PCDHGA5: variants seen among roughly 807,000 people sequenced by gnomAD.
PCDHGA5 encodes the protein protocadherin gamma subfamily A, 5.
Under a neutral mutation model 56.7 loss-of-function variants are expected in PCDHGA5, and 36 were observed. The observed-to-expected ratio is 0.64, with a 90% CI of 0.49 to 0.84. The LOEUF is 0.84. Among genes scored for constraint, PCDHGA5 ranks in the 40% least tolerant of loss-of-function variants. The pLI, the probability that PCDHGA5 is intolerant of heterozygous loss-of-function variation, is 0.00. For synonymous variants in PCDHGA5, 563 were observed against 520.2 expected (o/e 1.08, Z -1.12); for missense variants, 1,305 against 1,201.5 (o/e 1.09, Z -1.27).
chr5:141,464,515 A>C (rs969421973), intron 1 of PCDHGA5, among the ~76,000 whole-genome samples: 4 of 152,028 alleles, frequency 2.6e-5, no homozygotes, highest in Non-Finnish European at 4.4e-5. Flanking sequence ...CATAAGGTAA[A>C]GGCATATGTA....
intron 1 of PCDHGA5, chr5:141,413,903 C>T (rs1038159413): frequency 2.5e-6 from 4 of 1,613,308 alleles, no homozygotes; most frequent in Non-Finnish European, 3.4e-6. Flanking sequence ...AATGACAACG[C>T]GCCGGTCTTC....
intron 1 of PCDHGA5, among the ~76,000 whole-genome samples, chr5:141,450,503 T>G (rs1196541899): frequency 3.3e-5 from 5 of 152,258 alleles, no homozygotes; most frequent in Admixed American, 6.5e-5. Context: ...TTGTTTGTTT[T>G]GAGATGGAGT....
chr5:141,403,634 A>C, intron 1 of PCDHGA5: 1 of 1,613,920 alleles, frequency 6.2e-7, no homozygotes, highest in Non-Finnish European at 8.5e-7. Context: ...CACAGTGCGC[A>C]TCCATGTGAC....
At chr5:141,492,637 C>T (rs2099742781) in intron 1 of PCDHGA5, among the ~76,000 whole-genome samples, 1 of 152,260 alleles carries the variant, frequency 6.6e-6, no homozygotes, top group South Asian at 2.1e-4. Context: ...CTCTACGATC[C>T]TTGGGCCAGA....
At chr5:141,478,535 C>G (rs1359742091) in intron 1 of PCDHGA5, 1 of 1,607,794 alleles carries the variant, frequency 6.2e-7, no homozygotes, top group Non-Finnish European at 8.5e-7. Flanking sequence ...AGAGAGCGCC[C>G]CTCCCGGACA....
intron 1 of PCDHGA5, chr5:141,405,358 A>T: frequency 6.2e-7 from 1 of 1,613,900 alleles, no homozygotes; most frequent in East Asian, 2.2e-5. Flanking sequence ...TTCCTATAGA[A>T]GACACCCCTT....
At chr5:141,494,759 C>G (rs776923097) in intron 1 of PCDHGA5, 48 bp from the exon 2 acceptor site, 2 of 1,613,886 alleles carry the variant, frequency 1.2e-6, no homozygotes, top group Middle Eastern at 1.6e-4. Flanking sequence ...GGGTGACATT[C>G]TAACTTCTCA....
In PCDHGA5 at chr5:141,423,081, C is replaced by T. The variant is rs1393904828; in HGVS notation, c.2421+56330C>T. 3.1e-6 allele frequency: 5 copies of T among 1,613,966 alleles called. No individual in the cohort carries two copies. The African/African-American group carries it at 4.0e-5, about 13-fold the overall frequency. ...TTAAGGCCAGCGAGCCGGGACTCTT[C>T]GCGGTGGGGGAGCACACGGGCGAGG... is the stretch of plus-strand genomic sequence containing the variant. On this transcript the variant is annotated intron_variant, in intron 1 of 3. Coordinates refer to ENST00000518069, the MANE Select transcript of PCDHGA5 (RefSeq NM_018918.3).
At chr5:141,389,180 CA>C (rs2091638521) in intron 1 of PCDHGA5, 6 of 1,614,034 alleles carry the variant, frequency 3.7e-6, no homozygotes, top group Non-Finnish European at 5.1e-6. Context: ...CCCTCTCCTC[CA>C]GTTCCAGCAT....
At chr5:141,383,059 C>A (rs1778767353) in intron 1 of PCDHGA5, 1 of 1,613,894 alleles carries the variant, frequency 6.2e-7, no homozygotes, top group Non-Finnish European at 8.5e-7. Flanking sequence ...GGACCTGGGG[C>A]TGGAGCCCCG....
At chr5:141,450,080 C>G (rs140080701) in intron 1 of PCDHGA5, among the ~76,000 whole-genome samples, 6,313 of 144,358 alleles carry the variant, frequency 0.044, 398 homozygotes, top group Admixed American at 0.19. Context: ...GATCTTGGCT[C>G]ACTGCAACCT....
chr5:141,383,972 A>C, intron 1 of PCDHGA5: 1 of 1,613,800 alleles, frequency 6.2e-7, no homozygotes, highest in Non-Finnish European at 8.5e-7. Context: ...TCAATCCCTG[A>C]AGACACACCT....
At chr5:141,424,526 T>C (rs1020206614) in intron 1 of PCDHGA5, 2 of 152,216 alleles carry the variant, frequency 1.3e-5, no homozygotes, top group Non-Finnish European at 2.9e-5. Context: ...AGTAAATCCA[T>C]ATATAGAAAT....
At chr5:141,388,568 ACACG>A in intron 1 of PCDHGA5, 1 of 1,613,888 alleles carries the variant, frequency 6.2e-7, no homozygotes, top group Non-Finnish European at 8.5e-7. Context: ...CTGCACAGAT[ACACG>A]TTCTAGTGAC....
At chr5:141,395,067 AC>A (rs1479370833) in intron 1 of PCDHGA5, 1 of 1,613,888 alleles carries the variant, frequency 6.2e-7, no homozygotes, top group African/African-American at 1.3e-5. Flanking sequence ...TTTCCTGCAG[AC>A]CTATTCCCAG....
At chr5:141,381,826 C>CTTTTTTTTTT (rs770630741) in intron 1 of PCDHGA5, among the ~76,000 whole-genome samples, 29 of 74,274 alleles carry the variant, frequency 3.9e-4, no homozygotes, top group South Asian at 5.1e-4. Context: ...CTTTCTTCTT[C>CTTTTTTTTTT]TTTTTTTTTT....
At chr5:141,373,796 CCT>C (rs1278238672) in intron 1 of PCDHGA5, 9 of 310,398 alleles carry the variant, frequency 2.9e-5, no homozygotes, top group African/African-American at 1.3e-4. Flanking sequence ...GAAATAAAAT[CCT>C]CTGTGTGATA....
intron 1 of PCDHGA5, chr5:141,388,337 A>C: frequency 6.2e-7 from 1 of 1,613,990 alleles, no homozygotes; most frequent in Non-Finnish European, 8.5e-7. Context: ...CTGGCACACG[A>C]TTTATATTAG....
chr5:141,476,281 T>G lies in PCDHGA5; in HGVS notation c.2422-18526T>G. On this transcript the variant is annotated intron_variant, in intron 1 of 3. Coordinates refer to ENST00000518069, the MANE Select transcript of PCDHGA5 (RefSeq NM_018918.3). This position sits in a 1 kb window ranked among gnomAD's most constrained non-coding sequence, Gnocchi z 7.6. ...TGGGCAACGTGGTCGCGAACCTTGGTTTGGATCTCGGTAGCCTCTCAGCCC... is the reference window on the plus strand; with the variant it reads ...TGGGCAACGTGGTCGCGAACCTTGGGTTGGATCTCGGTAGCCTCTCAGCCC... 1 of 1,614,048 alleles carries G rather than the reference T, an allele frequency of 6.2e-7. No homozygotes were observed. The highest frequency in any genetic ancestry group is 1.1e-5 in the South Asian group (1 of 91,062).
Sources: allele counts gnomAD v4.1 joint callset (sites outside exome capture counted in the v4.1 genomes callset), GRCh38; gene constraint gnomAD v4.1.1; non-coding constraint Gnocchi (gnomAD v3.1); transcripts MANE v1.5; gene names NCBI Gene and HGNC (gene_info 2026-07-23, HGNC 2026-07-21).